The following PUM1 variants were observed in gnomAD, a reference collection of about 807,000 sequenced individuals.
The protein encoded by PUM1 is pumilio RNA binding family member 1.
In PUM1, 13 loss-of-function variants were observed where a neutral mutation model predicts 131.8. That is an observed-to-expected ratio of 0.10 (90% CI 0.06 to 0.16). The LOEUF (loss-of-function observed/expected upper bound fraction) is 0.16. Ranked by LOEUF, PUM1 falls within the 10% of genes least tolerant of loss-of-function variation. The probability of loss-of-function intolerance (pLI) is 1.00; values close to 1 mark genes in which losing one functional copy is unlikely to be tolerated. For missense variants in PUM1, 961 were observed against 1,512.4 expected (o/e 0.64, Z 6.05); for synonymous variants, 509 against 556.5 (o/e 0.91, Z 1.20).
chr1:30,991,884 G>T (rs543919797), intron 7 of PUM1, among the ~76,000 whole-genome samples: 2 of 152,252 alleles, frequency 1.3e-5, no homozygotes, highest in East Asian at 1.9e-4. Flanking sequence ...TGTGTGTGTG[G>T]TTTCCTCTGA....
At position 30,952,683 on chromosome 1, in the gene PUM1, CGGGGGG is replaced by C. The variant is rs1233416238; in HGVS notation, c.2592-326_2592-321del. Among the ~76,000 whole-genome samples, 84 of 41,826 alleles carry C rather than the reference CGGGGGG, an allele frequency of 2.0e-3. 5 individuals carry two copies. Among genetic ancestry groups the C allele is most frequent in the Admixed American group, 5.9e-3 (21 of 3,562 alleles). The allele number at this position is 41,826 out of a possible 152,430, so 27.4% of individuals were successfully genotyped here. On this transcript the variant is annotated intron_variant, in intron 15 of 21. Coordinates refer to ENST00000426105, the MANE Select transcript of PUM1 (RefSeq NM_001020658.2). The stretch of plus-strand genomic sequence containing the variant: ...GGAGGGAAGATGAAAGCGGGGGGGG[CGGGGGG>C]GGGGCGGGAGGGGCAGGGGTGCAGG...
At chr1:30,992,729 A>G (rs1641837691) in intron 6 of PUM1, 69 bp from the exon 7 acceptor site, 3 of 1,345,306 alleles carry the variant, frequency 2.2e-6, no homozygotes, top group Non-Finnish European at 3.1e-6. Context: ...ACCCAAGTTT[A>G]AGGACAATGT....
intron 2 of PUM1, among the ~76,000 whole-genome samples, chr1:31,033,213 CT>C (rs573799816): frequency 8.9e-4 from 129 of 144,700 alleles, no homozygotes; most frequent in Admixed American, 2.0e-3. Context: ...CTGATTTTTC[CT>C]TTTTTTTTTT....
intron 2 of PUM1, among the ~76,000 whole-genome samples, chr1:31,038,984 A>ATATATATTTTT: frequency 8.1e-5 from 4 of 49,416 alleles, no homozygotes; most frequent in Admixed American, 2.2e-4. Context: ...ATATATATAT[A>ATATATATTTTT]TTTTTTTTTT....
rs572592731 is a variant in PUM1 at position 31,041,871 on chromosome 1, A to T, written c.364-13007T>A. 1.8e-3 allele frequency among the ~76,000 whole-genome samples: 273 copies of T among 151,568 alleles called. 1 individual carries two copies. The highest frequency in any genetic ancestry group is 3.4e-3 in the Middle Eastern group (1 of 294). ...CAAAATGGACTAACATACTTTTTTT[A>T]AAAAAAAATGAGAAAGATAAAAATG... On this transcript the variant is annotated intron_variant, in intron 2 of 21. Coordinates refer to ENST00000426105, the MANE Select transcript of PUM1 (RefSeq NM_001020658.2).
Position 30,941,985 on chromosome 1 carries a change from G to C in PUM1, c.3120+13C>G. On this transcript the variant is annotated intron_variant, in intron 19 of 21. Coordinates refer to ENST00000426105, the MANE Select transcript of PUM1 (RefSeq NM_001020658.2). ...ACAGGTGTTCGCAGTTCCTCTACTGGCAACTCCACTACCTGTACAAGCTGC... is the reference window on the plus strand; with the variant it reads ...ACAGGTGTTCGCAGTTCCTCTACTGCCAACTCCACTACCTGTACAAGCTGC... 6.4e-7 allele frequency: 1 copy of C among 1,555,664 alleles called. No homozygotes were observed. Among genetic ancestry groups the C allele is most frequent in the Non-Finnish European group, 8.7e-7 (1 of 1,143,112 alleles).
chr1:31,045,392 C>T (rs1243234782), intron 2 of PUM1, among the ~76,000 whole-genome samples: 1 of 152,142 alleles, frequency 6.6e-6, no homozygotes, highest in East Asian at 1.9e-4. Context: ...CCCACCTCAG[C>T]CTCCCAAAGT....
At chr1:30,938,381 T>C (rs1639300671) in intron 20 of PUM1, among the ~76,000 whole-genome samples, 1 of 152,176 alleles carries the variant, frequency 6.6e-6, no homozygotes, top group African/African-American at 2.4e-5. Context: ...GCCTCCCAAG[T>C]AGCTGGGACT....
chr1:31,060,280 G>A (rs181665107), intron 1 of PUM1, among the ~76,000 whole-genome samples: 4 of 148,256 alleles, frequency 2.7e-5, no homozygotes, highest in East Asian at 4.2e-4. Flanking sequence ...GGCCAACATG[G>A]TGAAACCCCA....
At chr1:31,055,434 G>C in intron 2 of PUM1, 1 of 456,200 alleles carries the variant, frequency 2.2e-6, no homozygotes, top group Non-Finnish European at 4.4e-6. Flanking sequence ...GTTCAGTCCA[G>C]AAGGTGAGAA....
At position 30,989,503 on chromosome 1, in the gene PUM1, C is replaced by T. The variant is rs183315985; in HGVS notation, c.1158+2887G>A. Among the ~76,000 whole-genome samples, 546 of 127,884 alleles carry T rather than the reference C, an allele frequency of 4.3e-3. 2 individuals are homozygous for T. The highest frequency in any genetic ancestry group is 0.015 in the African/African-American group (514 of 33,962). 83.9% of individuals were successfully genotyped at this position (127,884 alleles called of 152,430 possible). On this transcript the variant is annotated intron_variant, in intron 7 of 21. Coordinates refer to ENST00000426105, the MANE Select transcript of PUM1 (RefSeq NM_001020658.2). ...AGGAGAATCGCTTGAACCCAGGAGGCGGAAGTTGCAGTGAGCCAAGATCGT... is the reference window on the plus strand; with the variant it reads ...AGGAGAATCGCTTGAACCCAGGAGGTGGAAGTTGCAGTGAGCCAAGATCGT...
At chr1:31,052,120 C>T (rs1644126104) in intron 2 of PUM1, among the ~76,000 whole-genome samples, 1 of 152,044 alleles carries the variant, frequency 6.6e-6, no homozygotes, top group South Asian at 2.1e-4. Flanking sequence ...TCATGCCATT[C>T]TCCTGCCTCA....
chr1:31,033,213 CTTTTT>C (rs573799816), intron 2 of PUM1, among the ~76,000 whole-genome samples: 2 of 144,860 alleles, frequency 1.4e-5, no homozygotes, highest in South Asian at 4.4e-4. Context: ...CTGATTTTTC[CTTTTT>C]TTTTTTGAGA....
chr1:30,989,794 T>C (rs567311820), intron 7 of PUM1, among the ~76,000 whole-genome samples: 132 of 152,242 alleles, frequency 8.7e-4, no homozygotes, highest in Non-Finnish European at 1.5e-3. Flanking sequence ...GGAATCTTAC[T>C]CTATTCATGA....
chr1:30,938,586 C>A (rs1318794618), intron 20 of PUM1, among the ~76,000 whole-genome samples: 1 of 151,776 alleles, frequency 6.6e-6, no homozygotes, highest in Non-Finnish European at 1.5e-5. Flanking sequence ...GATTCTCAGC[C>A]GGGCACGGTG....
At chr1:30,980,677 T>G (rs1055273048) in intron 8 of PUM1, among the ~76,000 whole-genome samples, 1 of 152,118 alleles carries the variant, frequency 6.6e-6, no homozygotes, top group Non-Finnish European at 1.5e-5. Flanking sequence ...ACATCCAAGA[T>G]TAGCTATCTC....
chr1:30,995,273 G>A (rs1641940016), intron 5 of PUM1, 53 bp from the exon 6 acceptor site: 2 of 1,596,584 alleles, frequency 1.3e-6, no homozygotes, highest in Non-Finnish European at 1.7e-6. Context: ...AATAATAACG[G>A]GCAACCGTTG....
In PUM1 at chr1:31,038,986, T is replaced by TATATATATATATATA. The variant is rs1557599381; in HGVS notation, c.364-10123_364-10122insTATATATATATATAT. ...TATATATATATATATATATATATATTTTTTTTTTTTTTTTCCTTTTCTCTT... is the reference window on the plus strand; with the variant it reads ...TATATATATATATATATATATATATTATATATATATATATATTTTTTTTTTTTTTCCTTTTCTCTT... On this transcript the variant is annotated intron_variant, in intron 2 of 21. Transcript: ENST00000426105. 6.2e-4 allele frequency among the ~76,000 whole-genome samples: 17 copies of TATATATATATATATA among 27,458 alleles called. 1 individual carries two copies. The highest frequency in any genetic ancestry group is 4.6e-3 in the African/African-American group (13 of 2,818). 18.0% of individuals were successfully genotyped at this position (27,458 alleles called of 152,430 possible).
chr1:31,053,861 G>A (rs1644170634), intron 2 of PUM1, among the ~76,000 whole-genome samples: 1 of 151,998 alleles, frequency 6.6e-6, no homozygotes, highest in Non-Finnish European at 1.5e-5. Flanking sequence ...TTGGGAGGCC[G>A]AGGCAGGTGG....
Sources: gnomAD v4.1 joint callset for allele counts (sites outside exome capture counted in the v4.1 genomes callset) on GRCh38, gnomAD v4.1.1 for gene constraint, MANE v1.5 for transcripts, NCBI Gene and HGNC (gene_info 2026-07-23, HGNC 2026-07-21) for gene names.